Variants in SLC24A3 observed in about 807,000 individuals in gnomAD.
SLC24A3 encodes the protein solute carrier family 24 member 3, also known as sodium/potassium/calcium exchanger 3.
Under a neutral mutation model 75.8 loss-of-function variants are expected in SLC24A3, and 28 were observed. The observed-to-expected ratio is 0.37, with a 90% confidence interval of 0.27 to 0.51. The LOEUF is 0.51. Ranked by LOEUF, SLC24A3 falls within the 20% of genes least tolerant of loss-of-function variation. The probability of loss-of-function intolerance (pLI) is 0.94; values close to 1 mark genes in which losing one functional copy is unlikely to be tolerated. For missense variants in SLC24A3, 663 were observed against 847.8 expected, an observed-to-expected ratio of 0.78 and a Z score of 2.71; for synonymous variants, 372 against 334.1, an observed-to-expected ratio of 1.11 and a Z score of -1.24.
chr20:19,384,369 A>G (rs1986235601), intron 2 of SLC24A3, among the ~76,000 whole-genome samples: 1 of 152,124 alleles, frequency 6.6e-6, no homozygotes, highest in Admixed American at 6.5e-5. Context: ...CCACCATTCT[A>G]CTTGCTGCTT....
intron 4 of SLC24A3, among the ~76,000 whole-genome samples, chr20:19,583,012 T>C (rs1421109632): frequency 6.6e-6 from 1 of 152,188 alleles, no homozygotes; most frequent in Admixed American, 6.5e-5. Flanking sequence ...CTCACCCCTC[T>C]GACGTCAGCA....
At chr20:19,594,658 G>A (rs1283243699) in intron 6 of SLC24A3, among the ~76,000 whole-genome samples, 1 of 152,216 alleles carries the variant, frequency 6.6e-6, no homozygotes, top group African/African-American at 2.4e-5. Flanking sequence ...ATACTCAACA[G>A]AGGTGATAGA....
chr20:19,622,819 A>T (rs568088924), intron 6 of SLC24A3, among the ~76,000 whole-genome samples: 1 of 152,202 alleles, frequency 6.6e-6, no homozygotes, highest in Non-Finnish European at 1.5e-5. Context: ...TGGCACCAGC[A>T]TCTGCTTGTG....
intron 2 of SLC24A3, among the ~76,000 whole-genome samples, chr20:19,485,913 C>G (rs759422645): frequency 6.6e-6 from 1 of 152,230 alleles, no homozygotes; most frequent in Non-Finnish European, 1.5e-5. Flanking sequence ...TGACTGCCTT[C>G]CATTTCTGGG....
chr20:19,694,968 TA>T (rs1289828928), intron 13 of SLC24A3: 1 of 152,228 alleles, frequency 6.6e-6, no homozygotes, highest in Non-Finnish European at 1.5e-5. Context: ...AGGACGCTGG[TA>T]GCTCCATTTG....
intron 6 of SLC24A3, among the ~76,000 whole-genome samples, chr20:19,641,714 G>A (rs567640896): frequency 1.3e-5 from 2 of 152,272 alleles, no homozygotes; most frequent in East Asian, 3.9e-4. Context: ...AACCCCAGTG[G>A]CTGGGCCACA....
intron 6 of SLC24A3, among the ~76,000 whole-genome samples, chr20:19,601,943 C>T (rs1429899518): frequency 2.0e-5 from 3 of 152,268 alleles, no homozygotes; most frequent in East Asian, 3.9e-4. Flanking sequence ...GAGGCTGAGG[C>T]GGACGGATCA....
At chr20:19,248,844 A>G (rs1206042524) in intron 1 of SLC24A3, among the ~76,000 whole-genome samples, 1 of 151,700 alleles carries the variant, frequency 6.6e-6, no homozygotes, top group Non-Finnish European at 1.5e-5. Context: ...TTGTGACAAC[A>G]TGGATGAACC....
At chr20:19,245,313 C>T (rs1982455091) in intron 1 of SLC24A3, among the ~76,000 whole-genome samples, 1 of 151,990 alleles carries the variant, frequency 6.6e-6, no homozygotes, top group Non-Finnish European at 1.5e-5. Flanking sequence ...GAAATTTTCT[C>T]TGAAATTCTC....
chr20:19,697,864 G>T (rs188450910), intron 14 of SLC24A3, among the ~76,000 whole-genome samples: 6 of 152,102 alleles, frequency 3.9e-5, no homozygotes, highest in Non-Finnish European at 7.3e-5. Flanking sequence ...TTTCCATAAG[G>T]GTGTCTCAGA....
chr20:19,361,148 C>T (rs1985779452), intron 2 of SLC24A3, among the ~76,000 whole-genome samples: 1 of 152,214 alleles, frequency 6.6e-6, no homozygotes, highest in Non-Finnish European at 1.5e-5. Context: ...CTCTTGTAGA[C>T]ATTCTGTTCT....
At chr20:19,520,585 G>T (rs2030080296) in intron 3 of SLC24A3, among the ~76,000 whole-genome samples, 1 of 152,190 alleles carries the variant, frequency 6.6e-6, no homozygotes, top group Non-Finnish European at 1.5e-5. Flanking sequence ...GGATTCTTGT[G>T]CTGAGCTGAG....
intron 3 of SLC24A3, among the ~76,000 whole-genome samples, chr20:19,576,109 A>G (rs1480683994): frequency 6.6e-6 from 1 of 152,068 alleles, no homozygotes; most frequent in African/African-American, 2.4e-5. Flanking sequence ...TGCCTCATAT[A>G]ATATTTAGAA....
At chr20:19,401,725 C>T (rs1414555078) in intron 2 of SLC24A3, among the ~76,000 whole-genome samples, 1 of 152,142 alleles carries the variant, frequency 6.6e-6, no homozygotes. Context: ...TTTTGCCTGT[C>T]GAGTAGAAGC....
chr20:19,326,467 A>G (rs957604618), intron 2 of SLC24A3, among the ~76,000 whole-genome samples: 4 of 152,108 alleles, frequency 2.6e-5, no homozygotes, highest in African/African-American at 9.7e-5. Flanking sequence ...AGGGGAAAGG[A>G]GCCAGGTCCG....
At chr20:19,608,286 G>T (rs977520662) in intron 6 of SLC24A3, among the ~76,000 whole-genome samples, 1 of 152,202 alleles carries the variant, frequency 6.6e-6, no homozygotes, top group Non-Finnish European at 1.5e-5. Flanking sequence ...ATGATATGGA[G>T]TAAGAGTGTA....
chr20:19,389,328 T>G (rs2143853), intron 2 of SLC24A3, among the ~76,000 whole-genome samples: 45,540 of 152,066 alleles, frequency 0.3, 8,135 homozygotes, highest in Middle Eastern at 0.53. Context: ...TTTTATACTT[T>G]TACATGCTTT....
At chr20:19,257,482 T>C (rs530659108) in intron 1 of SLC24A3, 49 of 152,310 alleles carry the variant, frequency 3.2e-4, no homozygotes, top group African/African-American at 1.2e-3. Flanking sequence ...GGGAGGTGCC[T>C]TTGAATCCCC....
chr20:19,492,627 A>G lies in SLC24A3; in HGVS notation c.272-22861A>G, dbSNP rs965898663. Among the ~76,000 whole-genome samples the G allele has an allele frequency of 2.0e-5, 3 of 152,284 alleles. No homozygotes were observed. The East Asian group carries it at 5.8e-4, about 29-fold the overall frequency. On this transcript the variant is annotated intron_variant, in intron 2 of 16. Transcript: ENST00000328041. ...CCAGTGCTTTAGTTTCCTGCATCTCATATTTACATGTTCACCATATCCACA... is the reference window on the plus strand; with the variant it reads ...CCAGTGCTTTAGTTTCCTGCATCTCGTATTTACATGTTCACCATATCCACA...
Sources: allele counts gnomAD v4.1 joint callset (sites outside exome capture counted in the v4.1 genomes callset), GRCh38; gene constraint gnomAD v4.1.1; transcripts MANE v1.5; gene names NCBI Gene and HGNC (gene_info 2026-07-23, HGNC 2026-07-21).